Variants in NELL1 observed in about 807,000 individuals in gnomAD.
NELL1 encodes neural EGFL like 1, also known as protein kinase C-binding protein NELL1.
A neutral mutation model predicts 107.4 loss-of-function variants in NELL1; 76 were observed. The observed-to-expected ratio is 0.71, with a 90% CI of 0.59 to 0.86. The LOEUF is 0.86. Among genes scored for constraint, NELL1 ranks in the 40% least tolerant of loss-of-function variants. The pLI, the probability that NELL1 is intolerant of heterozygous loss-of-function variation, is 0.00. For synonymous variants in NELL1, 353 were observed against 341.2 expected, an observed-to-expected ratio of 1.03 and a Z score of -0.38; for missense variants, 1,024 against 1,005.5, an observed-to-expected ratio of 1.02 and a Z score of -0.25.
chr11:21,230,251 T>C (rs1858011094), intron 14 of NELL1, among the ~76,000 whole-genome samples: 1 of 152,204 alleles, frequency 6.6e-6, no homozygotes, highest in Non-Finnish European at 1.5e-5. Flanking sequence ...TATCTCTGTG[T>C]TATCTGCCTC....
intron 13 of NELL1, among the ~76,000 whole-genome samples, chr11:21,166,692 A>G (rs769016346): frequency 7.9e-5 from 12 of 151,982 alleles, no homozygotes; most frequent in Admixed American, 1.3e-4. Context: ...AAATAGTACC[A>G]TAATCCATGT....
chr11:20,720,564 G>A (rs1455760677), intron 2 of NELL1, among the ~76,000 whole-genome samples: 1 of 152,058 alleles, frequency 6.6e-6, no homozygotes, highest in Non-Finnish European at 1.5e-5. Context: ...AAGTACTGTT[G>A]ACTAGGTGGC....
At chr11:20,756,603 C>G (rs768365302) in intron 2 of NELL1, among the ~76,000 whole-genome samples, 3 of 149,964 alleles carry the variant, frequency 2.0e-5, no homozygotes, top group African/African-American at 7.4e-5. Flanking sequence ...CCTCGTGATC[C>G]GCCCACCTTG....
chr11:21,281,728 A>G (rs1271162571), intron 14 of NELL1, among the ~76,000 whole-genome samples: 2 of 151,966 alleles, frequency 1.3e-5, no homozygotes, highest in Non-Finnish European at 2.9e-5. Flanking sequence ...GGGAGAAAGT[A>G]AGGAAAGAGA....
At chr11:20,676,906 A>C (rs1045966565) in intron 1 of NELL1, among the ~76,000 whole-genome samples, 1 of 152,086 alleles carries the variant, frequency 6.6e-6, no homozygotes, top group African/African-American at 2.4e-5. Flanking sequence ...AGATAGACAC[A>C]GCCTTTATGA....
intron 14 of NELL1, among the ~76,000 whole-genome samples, chr11:21,337,017 G>A (rs1029755169): frequency 5.3e-5 from 8 of 152,004 alleles, no homozygotes; most frequent in African/African-American, 1.4e-4. Context: ...AACAGATGAT[G>A]TTGTAAGAAA....
intron 12 of NELL1, among the ~76,000 whole-genome samples, chr11:21,103,314 A>G (rs1005003152): frequency 3.3e-5 from 5 of 152,184 alleles, no homozygotes; most frequent in African/African-American, 1.2e-4. Context: ...GGGTGAATGA[A>G]TAATTTGACC....
chr11:21,397,920 G>A lies in NELL1; in HGVS notation c.1645+26972G>A, dbSNP rs143771570. Among the ~76,000 whole-genome samples the A allele has an allele frequency of 6.2e-3, 937 of 151,568 alleles. 2 individuals carry two copies. Among genetic ancestry groups the A allele is most frequent in the Middle Eastern group, 0.017 (5 of 292 alleles). On this transcript the variant is annotated intron_variant, in intron 15 of 19. Transcript: ENST00000357134. The stretch of plus-strand genomic sequence containing the variant: ...GAAGACAAAGCTCTCACCAGATACC[G>A]AATCTGCTTGAACCTTGATCTTGGA...
intron 3 of NELL1, among the ~76,000 whole-genome samples, chr11:20,804,194 C>A (rs138469331): frequency 0.017 from 2,658 of 152,140 alleles, 30 homozygotes; most frequent in South Asian, 0.032. Flanking sequence ...TGCTGTGTGT[C>A]CATTATCATT....
At chr11:21,259,228 A>G (rs2133920188) in intron 14 of NELL1, among the ~76,000 whole-genome samples, 1 of 152,008 alleles carries the variant, frequency 6.6e-6, no homozygotes, top group African/African-American at 2.4e-5. Context: ...TGAGGATGTT[A>G]TAATCTAGAT....
At chr11:21,299,884 G>A (rs1391003393) in intron 14 of NELL1, among the ~76,000 whole-genome samples, 3 of 151,698 alleles carry the variant, frequency 2.0e-5, no homozygotes, top group Non-Finnish European at 4.4e-5. Context: ...AAAAATATGA[G>A]CCATCATTTG....
At chr11:21,269,868 T>C (rs993140389) in intron 14 of NELL1, among the ~76,000 whole-genome samples, 2 of 152,126 alleles carry the variant, frequency 1.3e-5, no homozygotes, top group African/African-American at 4.8e-5. Context: ...TATACTCTTA[T>C]ATAAAAGTGA....
At chr11:21,195,253 G>T (rs891113660) in intron 13 of NELL1, among the ~76,000 whole-genome samples, 6 of 152,130 alleles carry the variant, frequency 3.9e-5, no homozygotes, top group African/African-American at 1.4e-4. Context: ...TACGAAGGCT[G>T]TCATGGTTGC....
chr11:20,849,281 A>G (rs1462525488), intron 4 of NELL1, among the ~76,000 whole-genome samples: 1 of 152,194 alleles, frequency 6.6e-6, no homozygotes, highest in Non-Finnish European at 1.5e-5. Flanking sequence ...TTTTCTTGCT[A>G]TGCAGTTTTT....
chr11:21,031,495 G>T (rs565083719), intron 12 of NELL1, among the ~76,000 whole-genome samples: 1 of 152,168 alleles, frequency 6.6e-6, no homozygotes, highest in Non-Finnish European at 1.5e-5. Flanking sequence ...CTTCTTAGTT[G>T]TGTGATATTA....
intron 16 of NELL1, among the ~76,000 whole-genome samples, chr11:21,548,074 T>C (rs898514895): frequency 1.3e-5 from 2 of 151,880 alleles, no homozygotes; most frequent in Admixed American, 6.6e-5. Flanking sequence ...AAACTATTCA[T>C]TTAGCTTCTC....
chr11:20,947,483 G>T (rs1342888042), intron 11 of NELL1, 48 bp downstream of exon 11: 1 of 1,313,494 alleles, frequency 7.6e-7, no homozygotes. Context: ...GCTGGGGCTG[G>T]TCTTCTGGGG....
intron 12 of NELL1, among the ~76,000 whole-genome samples, chr11:21,002,450 TTGTC>T (rs1285941872): frequency 6.6e-6 from 1 of 152,126 alleles, no homozygotes; most frequent in Non-Finnish European, 1.5e-5. Flanking sequence ...GTCTTTCTGT[TTGTC>T]TGGACAGATT....
chr11:20,704,157 C>T (rs189503873), intron 2 of NELL1, among the ~76,000 whole-genome samples: 28 of 152,224 alleles, frequency 1.8e-4, no homozygotes, highest in Admixed American at 1.8e-3. Flanking sequence ...TTGTAGGTCT[C>T]TAAGGTCTTG....
Sources: allele counts gnomAD v4.1 joint callset (sites outside exome capture counted in the v4.1 genomes callset), GRCh38; gene constraint gnomAD v4.1.1; transcripts MANE v1.5; gene names NCBI Gene and HGNC (gene_info 2026-07-23, HGNC 2026-07-21).